Variants in UGT2B15 observed in about 807,000 individuals in gnomAD.
UGT2B15 encodes the protein UDP glucuronosyltransferase family 2 member B15.
A neutral mutation model predicts 45.9 loss-of-function variants in UGT2B15; 36 were observed. The ratio of observed to expected loss-of-function variants is 0.78; its 90% CI spans 0.60 to 1.04. UGT2B15 has a LOEUF of 1.04. Among genes scored for constraint, UGT2B15 ranks in the 50% least tolerant of loss-of-function variants. UGT2B15 has a pLI of 0.00. For synonymous variants in UGT2B15, 219 were observed against 216.4 expected, an observed-to-expected ratio of 1.01 and a Z score of -0.11; for missense variants, 617 against 622.4, an observed-to-expected ratio of 0.99 and a Z score of 0.09.
chr4:68,668,370 C>T (rs1415552257), intron 1 of UGT2B15, among the ~76,000 whole-genome samples, 182 bp from the exon 2 acceptor site: 1 of 151,960 alleles, frequency 6.6e-6, no homozygotes, highest in Non-Finnish European at 1.5e-5. Flanking sequence ...TTATTTATTG[C>T]ATATGTTGCT....
At chr4:68,666,134 G>T (rs1315324138) in intron 2 of UGT2B15, among the ~76,000 whole-genome samples, 2 of 151,810 alleles carry the variant, frequency 1.3e-5, no homozygotes, top group African/African-American at 4.8e-5. Context: ...ATTTTTTTTT[G>T]AGAATAAGAT....
intron 4 of UGT2B15, 31 bp from the exon 5 acceptor site, chr4:68,654,287 T>A: frequency 1.9e-6 from 3 of 1,604,340 alleles, no homozygotes. Context: ...ACAAAATTAT[T>A]AATTACAAGG....
chr4:68,661,100 T>A (rs1732952682), intron 3 of UGT2B15, among the ~76,000 whole-genome samples: 1 of 151,998 alleles, frequency 6.6e-6, no homozygotes, highest in African/African-American at 2.4e-5. Flanking sequence ...AGAGATCAGA[T>A]GAAAACCTGA....
chr4:68,666,746 A>T (rs1578200790), intron 2 of UGT2B15, among the ~76,000 whole-genome samples: 1 of 71,110 alleles, frequency 1.4e-5, no homozygotes, highest in African/African-American at 4.2e-5. Flanking sequence ...ATATATATAT[A>T]TATATATTTT....
At chr4:68,663,673 C>T (rs1467195940) in intron 2 of UGT2B15, among the ~76,000 whole-genome samples, 3 of 151,892 alleles carry the variant, frequency 2.0e-5, no homozygotes, top group East Asian at 1.9e-4. Flanking sequence ...ATTATATCTA[C>T]ATTTATTTAG....
Position 68,647,362 on chromosome 4 carries a change from T to G in UGT2B15, c.1335A>C (p.Lys445Asn). The G allele has an allele frequency of 1.2e-6, 2 of 1,613,330 alleles. No individual in the cohort carries two copies. Among genetic ancestry groups the G allele is most frequent in the Non-Finnish European group, 1.7e-6 (2 of 1,179,500 alleles). Residue 445 changes from lysine to asparagine, a missense_variant, in exon 6 of 6, where the codon AAA (lysine) becomes AAC (asparagine). By Grantham distance (94) the Lys-to-Asn change is moderately conservative. Coordinates refer to ENST00000338206, the MANE Select transcript of UGT2B15 (RefSeq NM_001076.4). The part of the protein sequence containing the change: ...NDPVYKENVM[K>N]LSRIHHDQPM... ...GTTGGTCATGATGAATTCTTGATAA[T>G]TTCATGACATTCTCTTTATAGCTGA... is the stretch of plus-strand genomic sequence containing the variant.
intron 5 of UGT2B15, among the ~76,000 whole-genome samples, chr4:68,648,978 G>A (rs1157589183): frequency 3.3e-5 from 5 of 151,790 alleles, no homozygotes; most frequent in African/African-American, 9.7e-5. Context: ...TAAGATATTT[G>A]TATATTTTAT....
intron 1 of UGT2B15, among the ~76,000 whole-genome samples, chr4:68,669,278 A>G (rs558306602): frequency 6.6e-6 from 1 of 152,262 alleles, no homozygotes; most frequent in South Asian, 2.1e-4. Context: ...ATAGATTAAA[A>G]CTTAGATGTT....
chr4:68,664,549 A>T (rs1449813739), intron 2 of UGT2B15, among the ~76,000 whole-genome samples: 1 of 151,962 alleles, frequency 6.6e-6, no homozygotes, highest in Non-Finnish European at 1.5e-5. Context: ...TTTTTAAAAA[A>T]TATAATTTAA....
At chr4:68,653,659 TAAA>T (rs1181626863) in intron 5 of UGT2B15, among the ~76,000 whole-genome samples, 1 of 151,998 alleles carries the variant, frequency 6.6e-6, no homozygotes, top group Non-Finnish European at 1.5e-5. Flanking sequence ...ATAATGATAA[TAAA>T]AATAAATTTT....
chr4:68,656,429 T>G (rs1477604084), intron 3 of UGT2B15, among the ~76,000 whole-genome samples: 1 of 150,960 alleles, frequency 6.6e-6, no homozygotes, highest in Non-Finnish European at 1.5e-5. Context: ...ATTTCTCCCA[T>G]CAGATTTGAT....
chr4:68,653,495 T>C (rs1732712532), intron 5 of UGT2B15, among the ~76,000 whole-genome samples: 1 of 152,006 alleles, frequency 6.6e-6, no homozygotes, highest in South Asian at 2.1e-4. Context: ...TTATTGGGAG[T>C]GACTTCATAC....
rs182404941 is a variant in UGT2B15 at position 68,662,270 on chromosome 4, G to T, written c.1005+738C>A. The stretch of plus-strand genomic sequence containing the variant: ...ATCTGATTCTTAGAGCATAGTCTTT[G>T]TTGGGCCACATTTAATAATGCACAT... On this transcript the variant is annotated intron_variant, in intron 3 of 5. Coordinates refer to ENST00000338206, the MANE Select transcript of UGT2B15 (RefSeq NM_001076.4). Among the ~76,000 whole-genome samples the T allele has an allele frequency of 8.9e-3, 1,346 of 152,038 alleles. 19 individuals are homozygous for T. Among genetic ancestry groups the T allele is most frequent in the African/African-American group, 0.031 (1,285 of 41,460 alleles).
intron 2 of UGT2B15, among the ~76,000 whole-genome samples, chr4:68,665,355 C>T (rs749516010): frequency 6.6e-6 from 1 of 152,078 alleles, no homozygotes; most frequent in African/African-American, 2.4e-5. Flanking sequence ...CCAACTATAC[C>T]TGTACCACGG....
chr4:68,649,389 A>G (rs1262235895), intron 5 of UGT2B15, among the ~76,000 whole-genome samples: 1 of 143,690 alleles, frequency 7.0e-6, no homozygotes, highest in African/African-American at 2.6e-5. Flanking sequence ...AGTGATTCTC[A>G]TGCCTCAATC....
In UGT2B15 at chr4:68,670,329, C is replaced by T. The variant is rs759917429; in HGVS notation, c.290G>A (p.Trp97Ter). The T allele has an allele frequency of 1.7e-5, 28 of 1,613,734 alleles. No individual in the cohort carries two copies. The highest frequency in any genetic ancestry group is 2.3e-5 in the Non-Finnish European group (27 of 1,179,916). ...TGTATTTTTTGAAACACCATATATC[C>T]ATCTATCGAGAATTTTCAGAAGAGA... ...EDSLLKILDR[W>*]IYGVSKNTFW... Residue 97 changes from tryptophan to a stop codon, truncating the protein, a stop_gained, in exon 1 of 6, where the codon TGG becomes TAG. Coordinates refer to ENST00000338206, the MANE Select transcript of UGT2B15 (RefSeq NM_001076.4). LOFTEE classifies it high-confidence loss of function.
At chr4:68,656,969 T>C (rs1162784685) in intron 3 of UGT2B15, among the ~76,000 whole-genome samples, 1 of 152,018 alleles carries the variant, frequency 6.6e-6, no homozygotes, top group African/African-American at 2.4e-5. Flanking sequence ...GGAAGTAGTA[T>C]TGACTGTTGC....
rs530442418 is a variant in UGT2B15, at chr4:68,670,174, T to C, written c.445A>G (p.Ile149Val). ...CAGGGATTAAGGGCATCTGCCAGAA[T>C]GACATCAAACTTTGACTCTTGTAGT... ...MKLQESKFDV[I>V]LADALNPCGE... Residue 149 changes from isoleucine (I) to valine (V), a missense_variant, in exon 1 of 6, where the codon ATT (isoleucine) becomes GTT (valine). Ile to Val is a conservative substitution (Grantham distance 29). This residue lies in a region of UGT2B15 where 351 missense variants were observed against 342.1 expected (regional missense o/e 1.03). Transcript: ENST00000338206. 6.2e-7 allele frequency: 1 copy of C among 1,614,106 alleles called. No homozygotes were observed. Among genetic ancestry groups the C allele is most frequent in the South Asian group, 1.1e-5 (1 of 91,068 alleles).
chr4:68,661,188 GC>G, intron 3 of UGT2B15, among the ~76,000 whole-genome samples: 1 of 151,972 alleles, frequency 6.6e-6, no homozygotes, highest in African/African-American at 2.4e-5. Context: ...AAGCCTGGGG[GC>G]CCCAAAGTCA....
Sources: gnomAD v4.1 joint callset for allele counts (sites outside exome capture counted in the v4.1 genomes callset) on GRCh38, gnomAD v4.1.1 for gene constraint, gnomAD v4.1.1 regional missense constraint, MANE v1.5 for transcripts, NCBI Gene and HGNC (gene_info 2026-07-23, HGNC 2026-07-21) for gene names.